FAM184B: variants seen among roughly 807,000 people sequenced by gnomAD.
FAM184B encodes family with sequence similarity 184 member B, also known as protein FAM184B.
In FAM184B, 111 loss-of-function variants were observed where a neutral mutation model predicts 135.9. That is an observed-to-expected ratio of 0.82 (90% confidence interval 0.70 to 0.96). The LOEUF is 0.96. FAM184B is among the 40% of genes least tolerant of loss of function. FAM184B has a pLI of 0.00. For synonymous variants in FAM184B, 552 were observed against 524.8 expected (o/e 1.05, Z -0.71); for missense variants, 1,375 against 1,323.9 (o/e 1.04, Z -0.60).
intron 1 of FAM184B, among the ~76,000 whole-genome samples, chr4:17,764,603 A>C (rs760434333): frequency 6.6e-6 from 1 of 152,226 alleles, no homozygotes; most frequent in African/African-American, 2.4e-5. Context: ...TCTTGTCCTC[A>C]AAAGTTTAAC....
At chr4:17,684,268 A>C (rs932443705) in intron 7 of FAM184B, among the ~76,000 whole-genome samples, 9 of 150,078 alleles carry the variant, frequency 6.0e-5, no homozygotes, top group African/African-American at 1.9e-4. Flanking sequence ...CATTTATAGA[A>C]AAAACTCCAT....
At chr4:17,736,223 A>G (rs1717905449) in intron 1 of FAM184B, among the ~76,000 whole-genome samples, 1 of 152,288 alleles carries the variant, frequency 6.6e-6, no homozygotes, top group African/African-American at 2.4e-5. Context: ...CTGGAAAACA[A>G]CAGAACTAGG....
chr4:17,669,170 G>A (rs951722559), intron 7 of FAM184B, among the ~76,000 whole-genome samples: 13 of 152,112 alleles, frequency 8.5e-5, no homozygotes, highest in African/African-American at 2.7e-4. Flanking sequence ...TTGGTTCATT[G>A]TTGTGTATTT....
chr4:17,684,653 C>T (rs970418173), intron 7 of FAM184B, among the ~76,000 whole-genome samples: 8 of 152,204 alleles, frequency 5.3e-5, no homozygotes, highest in African/African-American at 1.9e-4. Flanking sequence ...GAATGAATAA[C>T]GTGCATATTG....
chr4:17,738,890 T>C lies in FAM184B; in HGVS notation c.142-29246A>G, dbSNP rs533976290. Among the ~76,000 whole-genome samples the C allele has an allele frequency of 4.6e-4, 70 of 152,270 alleles. No individual in the cohort carries two copies. The Middle Eastern group carries it at 0.014, about 30-fold the overall frequency. ...GCATCAGCCCCTCCCTTCTCACTCG[T>C]TTCCTCTCTCGCCATGTGATCTCTG... On this transcript the variant is annotated intron_variant, in intron 1 of 17. Coordinates refer to ENST00000265018, the MANE Select transcript of FAM184B (RefSeq NM_015688.2).
At chr4:17,751,823 G>GCGCGCACA (rs764575898) in intron 1 of FAM184B, among the ~76,000 whole-genome samples, 3 of 115,834 alleles carry the variant, frequency 2.6e-5, no homozygotes, top group African/African-American at 9.5e-5. Flanking sequence ...TAAAAACAAG[G>GCGCGCACA]CACACACACA....
intron 1 of FAM184B, among the ~76,000 whole-genome samples, chr4:17,771,157 T>A (rs1718811529): frequency 6.6e-6 from 1 of 152,224 alleles, no homozygotes; most frequent in South Asian, 2.1e-4. Context: ...TCCAAGCATT[T>A]GAGGAACTGA....
intron 1 of FAM184B, among the ~76,000 whole-genome samples, chr4:17,769,172 T>C (rs1718762938): frequency 6.6e-6 from 1 of 152,060 alleles, no homozygotes; most frequent in Non-Finnish European, 1.5e-5. Flanking sequence ...AACACAACCA[T>C]TAAAAATTAT....
At chr4:17,658,874 G>A (rs1715843676) in intron 9 of FAM184B, among the ~76,000 whole-genome samples, 1 of 151,992 alleles carries the variant, frequency 6.6e-6, no homozygotes, top group South Asian at 2.1e-4. Flanking sequence ...GCTCGAATCT[G>A]GCTTCCTCAC....
At chr4:17,768,752 A>C (rs1718753067) in intron 1 of FAM184B, among the ~76,000 whole-genome samples, 1 of 151,858 alleles carries the variant, frequency 6.6e-6, no homozygotes, top group Non-Finnish European at 1.5e-5. Flanking sequence ...AAGATAAGGG[A>C]TTTTATCTGA....
intron 1 of FAM184B, among the ~76,000 whole-genome samples, chr4:17,740,526 CT>C (rs144365519): frequency 0.031 from 4,791 of 152,150 alleles, 162 homozygotes; most frequent in African/African-American, 0.084. Context: ...TTCACTATAG[CT>C]TTTAAGACCT....
chr4:17,641,137 T>G (rs996263678), intron 13 of FAM184B, among the ~76,000 whole-genome samples: 4 of 152,158 alleles, frequency 2.6e-5, no homozygotes, highest in Non-Finnish European at 4.4e-5. Flanking sequence ...TTTCACTATG[T>G]TGCCCAGGCT....
rs1577260459 is a variant in FAM184B, at chr4:17,686,737, T to C, written c.1596+1687A>G. ...AAGGAGGATCACCTGAGGTCAGGAG[T>C]TCGAGACTAGCCTGGCTAACATGGT... On this transcript the variant is annotated intron_variant, in intron 7 of 17. Coordinates refer to ENST00000265018, the MANE Select transcript of FAM184B (RefSeq NM_015688.2). Among the ~76,000 whole-genome samples the C allele has an allele frequency of 2.0e-5, 3 of 152,114 alleles. 1 individual carries two copies. The East Asian group carries it at 5.8e-4, about 30-fold the overall frequency.
intron 1 of FAM184B, among the ~76,000 whole-genome samples, chr4:17,748,766 C>T (rs1718233311): frequency 6.6e-6 from 1 of 152,050 alleles, no homozygotes; most frequent in African/African-American, 2.4e-5. Context: ...ATCCTTCTGC[C>T]TTGGCCTCCC....
intron 15 of FAM184B, 45 bp from the exon 16 acceptor site, chr4:17,635,158 G>C (rs1339379200): frequency 1.4e-6 from 2 of 1,450,068 alleles, no homozygotes; most frequent in East Asian, 5.0e-5. Flanking sequence ...TAACCACACA[G>C]CACTGGGTTT....
At chr4:17,686,739 C>T (rs1028229633) in intron 7 of FAM184B, among the ~76,000 whole-genome samples, 2 of 152,134 alleles carry the variant, frequency 1.3e-5, no homozygotes, top group Non-Finnish European at 2.9e-5. Context: ...GTCAGGAGTT[C>T]GAGACTAGCC....
chr4:17,741,031 G>C (rs1005576666), intron 1 of FAM184B, among the ~76,000 whole-genome samples: 8 of 152,116 alleles, frequency 5.3e-5, no homozygotes, highest in Admixed American at 5.2e-4. Flanking sequence ...CTGCTTATGC[G>C]CACATCTCTC....
intron 12 of FAM184B, 49 bp from the exon 13 acceptor site, chr4:17,642,277 C>G: frequency 7.0e-7 from 1 of 1,425,510 alleles, no homozygotes; most frequent in Non-Finnish European, 9.1e-7. Flanking sequence ...CAGGGGCAGA[C>G]AAGGCAGAAA....
intron 7 of FAM184B, among the ~76,000 whole-genome samples, chr4:17,672,162 T>C (rs963913001): frequency 1.5e-4 from 23 of 152,102 alleles, no homozygotes; most frequent in Non-Finnish European, 2.6e-4. Context: ...GAAAAGCTAT[T>C]TGTCACATAT....
Sources: gnomAD v4.1 joint callset for allele counts (sites outside exome capture counted in the v4.1 genomes callset) on GRCh38, gnomAD v4.1.1 for gene constraint, MANE v1.5 for transcripts, NCBI Gene and HGNC (gene_info 2026-07-23, HGNC 2026-07-21) for gene names.